PKP4: variants seen among roughly 807,000 people sequenced by gnomAD.
The protein encoded by PKP4 is plakophilin 4.
Under a neutral mutation model 145.1 loss-of-function variants are expected in PKP4, and 90 were observed. The observed-to-expected ratio is 0.62, with a 90% CI of 0.52 to 0.74. The LOEUF (loss-of-function observed/expected upper bound fraction) is 0.74. Among genes scored for constraint, PKP4 ranks in the 30% least tolerant of loss-of-function variants. PKP4 has a pLI of 0.00. For missense variants in PKP4, 1,340 were observed against 1,482.7 expected, an observed-to-expected ratio of 0.90 and a Z score of 1.58; for synonymous variants, 563 against 577.2, an observed-to-expected ratio of 0.98 and a Z score of 0.35.
intron 1 of PKP4, among the ~76,000 whole-genome samples, chr2:158,463,201 G>A (rs1218199638): frequency 6.6e-6 from 1 of 152,240 alleles, no homozygotes; most frequent in East Asian, 1.9e-4. Context: ...TACTTAGAGA[G>A]GCATTAACCA....
rs529253065 is a variant in PKP4, at chr2:158,672,315, A to C, written c.2925-1362A>C. Among the ~76,000 whole-genome samples the C allele has an allele frequency of 2.0e-5, 3 of 152,318 alleles. No individual in the cohort carries two copies. The South Asian group carries it at 6.2e-4, about 32-fold the overall frequency. ...AGTTTTGCTGCAAAGGAGAGCAAAG[A>C]ATCTTCCTTGCTTTTCTCATGGGTC... On this transcript the variant is annotated intron_variant, in intron 17 of 21. Coordinates refer to ENST00000389759, the MANE Select transcript of PKP4 (RefSeq NM_003628.6).
intron 3 of PKP4, among the ~76,000 whole-genome samples, chr2:158,585,439 G>C (rs1249083846): frequency 6.6e-6 from 1 of 152,092 alleles, no homozygotes; most frequent in Non-Finnish European, 1.5e-5. Flanking sequence ...ACTTGATCGA[G>C]TCATCTGCAG....
chr2:158,482,442 C>A (rs1574029696), intron 1 of PKP4, among the ~76,000 whole-genome samples: 1 of 152,166 alleles, frequency 6.6e-6, no homozygotes, highest in East Asian at 1.9e-4. Flanking sequence ...TACCACCGCA[C>A]CTGGTTTATT....
At chr2:158,626,663 T>C (rs2052821109) in intron 7 of PKP4, among the ~76,000 whole-genome samples, 1 of 152,214 alleles carries the variant, frequency 6.6e-6, no homozygotes, top group Non-Finnish European at 1.5e-5. Flanking sequence ...TTGTCTACAC[T>C]GCACTAGTGC....
At chr2:158,480,845 C>A (rs768720327) in intron 1 of PKP4, among the ~76,000 whole-genome samples, 1 of 152,072 alleles carries the variant, frequency 6.6e-6, no homozygotes, top group South Asian at 2.1e-4. Flanking sequence ...AAAATAAACC[C>A]CATACTCATT....
At chr2:158,572,497 A>G (rs540872435) in intron 2 of PKP4, among the ~76,000 whole-genome samples, 2 of 152,354 alleles carry the variant, frequency 1.3e-5, no homozygotes, top group Non-Finnish European at 2.9e-5. Flanking sequence ...TGGCAAATCT[A>G]GGTCATCTTG....
chr2:158,652,370 C>T (rs781115292), intron 11 of PKP4, among the ~76,000 whole-genome samples: 2 of 152,020 alleles, frequency 1.3e-5, no homozygotes, highest in African/African-American at 2.4e-5. Flanking sequence ...TTAAGGCTGG[C>T]GGGAGGCCAT....
intron 9 of PKP4, among the ~76,000 whole-genome samples, chr2:158,634,935 T>A (rs1291537398): frequency 6.6e-6 from 1 of 152,206 alleles, no homozygotes; most frequent in African/African-American, 2.4e-5. Flanking sequence ...CTTGATTGAT[T>A]TTGAAAAACT....
At chr2:158,481,854 A>G (rs1339066619) in intron 1 of PKP4, among the ~76,000 whole-genome samples, 1 of 152,256 alleles carries the variant, frequency 6.6e-6, no homozygotes, top group African/African-American at 2.4e-5. Context: ...AGACATAAAA[A>G]TAAGCAAAAC....
chr2:158,655,817 G>C (rs1023410824), intron 11 of PKP4, among the ~76,000 whole-genome samples: 1 of 152,212 alleles, frequency 6.6e-6, no homozygotes, highest in Non-Finnish European at 1.5e-5. Flanking sequence ...TGCCACTGTG[G>C]CTGGCTTATG....
At chr2:158,479,466 G>C (rs7585232) in intron 1 of PKP4, among the ~76,000 whole-genome samples, 139,025 of 152,252 alleles carry the variant, frequency 0.91, 63,525 homozygotes, top group East Asian at 0.97. Flanking sequence ...TCAAGCGATC[G>C]GCCCGCCTTA....
chr2:158,463,489 T>G (rs928528317), intron 1 of PKP4, among the ~76,000 whole-genome samples: 41 of 148,860 alleles, frequency 2.8e-4, no homozygotes, highest in African/African-American at 9.5e-4. Context: ...AGGAAGGGGG[T>G]TTGGAATATA....
intron 1 of PKP4, among the ~76,000 whole-genome samples, chr2:158,504,665 TAA>T (rs1697055982): frequency 1.1e-5 from 1 of 94,736 alleles, no homozygotes; most frequent in Admixed American, 1.3e-4. Context: ...TATGATCTTC[TAA>T]ATATCCTTAA....
rs142195526 is a variant in PKP4 at position 158,551,927 on chromosome 2, T to G, written c.132+18611T>G. On this transcript the variant is annotated intron_variant, in intron 2 of 21. Coordinates refer to ENST00000389759, the MANE Select transcript of PKP4 (RefSeq NM_003628.6). Reference sequence around the variant, plus strand: ...TAATATGCTGTCTCTCTAAACTGATTGTGGGAGGCAGAATAATGCTCTCCT... The same window carrying G: ...TAATATGCTGTCTCTCTAAACTGATGGTGGGAGGCAGAATAATGCTCTCCT... 4.8e-3 allele frequency among the ~76,000 whole-genome samples: 734 copies of G among 152,320 alleles called. 1 individual carries two copies. Among genetic ancestry groups the G allele is most frequent in the African/African-American group, 0.016 (671 of 41,584 alleles).
intron 11 of PKP4, among the ~76,000 whole-genome samples, chr2:158,654,880 T>G (rs1454792119): frequency 6.6e-6 from 1 of 152,170 alleles, no homozygotes. Flanking sequence ...GACCACCTAC[T>G]ATGTGTCCTG....
At chr2:158,597,838 A>G (rs2049891286) in intron 3 of PKP4, among the ~76,000 whole-genome samples, 1 of 151,950 alleles carries the variant, frequency 6.6e-6, no homozygotes, top group Admixed American at 6.6e-5. Flanking sequence ...ACAGGGTCTC[A>G]CTCTGTTGCC....
chr2:158,498,101 T>C (rs1316711413), intron 1 of PKP4, among the ~76,000 whole-genome samples: 1 of 152,236 alleles, frequency 6.6e-6, no homozygotes, highest in Non-Finnish European at 1.5e-5. Context: ...TGAGGCAATG[T>C]GAGGATGGGC....
At chr2:158,512,059 T>C (rs531391206) in intron 1 of PKP4, among the ~76,000 whole-genome samples, 13 of 152,346 alleles carry the variant, frequency 8.5e-5, no homozygotes, top group South Asian at 6.2e-4. Context: ...CTATTACATA[T>C]GCATTTGGAT....
At chr2:158,605,508 G>A (rs1023696633) in intron 4 of PKP4, among the ~76,000 whole-genome samples, 2 of 152,156 alleles carry the variant, frequency 1.3e-5, no homozygotes, top group Non-Finnish European at 2.9e-5. Context: ...CGTTAGTACA[G>A]TATTGCAGGT....
Sources: gnomAD v4.1 joint callset for allele counts (sites outside exome capture counted in the v4.1 genomes callset) on GRCh38, gnomAD v4.1.1 for gene constraint, MANE v1.5 for transcripts, NCBI Gene and HGNC (gene_info 2026-07-23, HGNC 2026-07-21) for gene names.